The following ZNF76 variants were observed in gnomAD, a reference collection of about 807,000 sequenced individuals.
ZNF76 encodes zinc finger protein 76, also known as zinc finger protein 523.
Under a neutral mutation model 66.9 loss-of-function variants are expected in ZNF76, and 66 were observed. The observed-to-expected ratio is 0.99, with a 90% CI of 0.81 to 1.21. The LOEUF (loss-of-function observed/expected upper bound fraction) is 1.21, where lower values mean the gene tolerates loss of function less well. ZNF76 is among the 50% of genes most tolerant of loss of function. The pLI, the probability that ZNF76 is intolerant of heterozygous loss-of-function variation, is 0.00. For missense variants in ZNF76, 729 were observed against 760.3 expected (o/e 0.96, Z 0.48); for synonymous variants, 275 against 296.1 (o/e 0.93, Z 0.73).
In ZNF76 at chr6:35,292,524, C is replaced by G; in HGVS notation, c.932-30C>G. 1 of 1,592,914 alleles carries G rather than the reference C, an allele frequency of 6.3e-7. No homozygotes were observed. On this transcript the variant is annotated intron_variant, in intron 9 of 13. Coordinates refer to ENST00000373953, the MANE Select transcript of ZNF76 (RefSeq NM_003427.5). The surrounding 1 kb of genome is among the most constrained non-coding windows in gnomAD (Gnocchi z 4.7). ...AGTTTCCCCCTTGCCAGCCCCAGTT[C>G]CCACCCCCCTCACAGCCCAGTGTCC... is the stretch of plus-strand genomic sequence containing the variant.
chr6:35,286,265 A>G, intron 3 of ZNF76, 57 bp downstream of exon 3: 2 of 1,613,350 alleles, frequency 1.2e-6, no homozygotes, highest in Non-Finnish European at 1.7e-6. Flanking sequence ...GCCCCCACCA[A>G]GGGACCCCTC....
At position 35,293,895 on chromosome 6, in the gene ZNF76, G is replaced by C. The variant is rs762018098; in HGVS notation, c.1474G>C (p.Asp492His). 1 of 1,614,088 alleles carries C rather than the reference G, an allele frequency of 6.2e-7. No homozygotes were observed. ...GTHTVTMVSA[D>H]GTQTQPVTII... ...ACATACAGTCACCATGGTCAGCGCC[G>C]ATGGCACCCAGACGCAGCCCGTATG... The change falls in exon 12 of 14, where the codon GAT becomes CAT. Residue 492 changes from aspartate to histidine, a missense_variant. Transcript: ENST00000373953.
At position 35,292,929 on chromosome 6, in the gene ZNF76, C is replaced by G; in HGVS notation, c.1214C>G (p.Ala405Gly). The G allele has an allele frequency of 6.2e-7, 1 of 1,614,236 alleles. No individual in the cohort carries two copies. Among genetic ancestry groups the G allele is most frequent in the Non-Finnish European group, 8.5e-7 (1 of 1,180,046 alleles). Reference sequence around the variant, plus strand: ...CCGCCACCCAAACGACCCCGGATAGCTTACCTTTCGGAGGTGAAGGAAGAG... The same window carrying G: ...CCGCCACCCAAACGACCCCGGATAGGTTACCTTTCGGAGGTGAAGGAAGAG... ...ESPPPKRPRI[A>G]YLSEVKEERD... The change falls in exon 11 of 14, where the codon GCT becomes GGT. Residue 405 changes from alanine to glycine, a missense_variant. Coordinates refer to ENST00000373953, the MANE Select transcript of ZNF76 (RefSeq NM_003427.5). This position sits in a 1 kb window ranked among gnomAD's most constrained non-coding sequence, Gnocchi z 4.7.
At chr6:35,272,300 G>A (rs1787191802) in intron 1 of ZNF76, among the ~76,000 whole-genome samples, 1 of 152,150 alleles carries the variant, frequency 6.6e-6, no homozygotes, top group Non-Finnish European at 1.5e-5. Context: ...AATAGAGATA[G>A]ATGTAAGTAA....
At chr6:35,279,802 C>G (rs1382251524) in intron 1 of ZNF76, 1 of 153,368 alleles carries the variant, frequency 6.5e-6, no homozygotes, top group Non-Finnish European at 1.5e-5. Flanking sequence ...AAAAAATGGC[C>G]TTGGACTACA....
chr6:35,287,602 C>A lies in ZNF76; in HGVS notation c.233-44C>A, dbSNP rs1425302010. On this transcript the variant is annotated intron_variant, in intron 4 of 13. Transcript: ENST00000373953. The surrounding 1 kb of genome is among the most constrained non-coding windows in gnomAD (Gnocchi z 4.0). The stretch of plus-strand genomic sequence containing the variant: ...TAAAGCTAGGGTCCCAGCTGTATCT[C>A]TTCCCCTTGTGTGGCATCAGGGCTA... 2.6e-6 allele frequency: 4 copies of A among 1,546,734 alleles called. 1 individual carries two copies. Among genetic ancestry groups the A allele is most frequent in the African/African-American group, 1.4e-5 (1 of 73,352 alleles).
Position 35,292,761 on chromosome 6 carries a change from C to T in ZNF76, c.1139C>T (p.Ala380Val). ...ELEATEESEQALYEQQQLEAA... is the reference protein window; with the variant it reads ...ELEATEESEQVLYEQQQLEAA... Reference sequence around the variant, plus strand: ...GAGGCCACGGAGGAGAGCGAGCAGGCCCTCTATGAGCAGCAGCAACTTGAG... The same window carrying T: ...GAGGCCACGGAGGAGAGCGAGCAGGTCCTCTATGAGCAGCAGCAACTTGAG... The change falls in exon 10 of 14, where the codon GCC (alanine) becomes GTC (valine). Residue 380 changes from alanine to valine, a missense_variant. By Grantham distance (64) the Ala-to-Val change is moderately conservative. Transcript: ENST00000373953. The surrounding 1 kb of genome is among the most constrained non-coding windows in gnomAD (Gnocchi z 4.7). The T allele has an allele frequency of 1.9e-6, 3 of 1,614,012 alleles. No homozygotes were observed. The highest frequency in any genetic ancestry group is 2.5e-6 in the Non-Finnish European group (3 of 1,179,974).
chr6:35,276,791 GTTTTTT>G (rs10571257), intron 1 of ZNF76, among the ~76,000 whole-genome samples: 13 of 97,040 alleles, frequency 1.3e-4, no homozygotes, highest in Non-Finnish European at 2.5e-4. Flanking sequence ...TTATTTATGG[GTTTTTT>G]TTTTTTTTTT....
intron 1 of ZNF76, among the ~76,000 whole-genome samples, chr6:35,272,529 A>G (rs1787257583): frequency 1.3e-5 from 2 of 151,904 alleles, no homozygotes; most frequent in Admixed American, 1.3e-4. Context: ...ATGCACATAT[A>G]TATATCCAAG....
At chr6:35,261,255 G>A (rs1036260863) in intron 1 of ZNF76, among the ~76,000 whole-genome samples, 4 of 152,192 alleles carry the variant, frequency 2.6e-5, no homozygotes, top group African/African-American at 9.7e-5. Flanking sequence ...TCTGTCCTGA[G>A]TGCTAGGGAT....
chr6:35,277,089 G>A (rs1363421901), intron 1 of ZNF76, among the ~76,000 whole-genome samples: 2 of 151,832 alleles, frequency 1.3e-5, no homozygotes, highest in Non-Finnish European at 1.5e-5. Flanking sequence ...ATGAGCCACC[G>A]TGCCCAGCCT....
intron 9 of ZNF76, 179 bp downstream of exon 9, chr6:35,291,916 A>C: frequency 1.4e-6 from 1 of 694,562 alleles, no homozygotes; most frequent in Non-Finnish European, 2.4e-6. Flanking sequence ...GTAATTCCTC[A>C]ATTTCCAGTT....
At chr6:35,276,846 G>C (rs1787977902) in intron 1 of ZNF76, among the ~76,000 whole-genome samples, 1 of 142,582 alleles carries the variant, frequency 7.0e-6, no homozygotes, top group African/African-American at 2.7e-5. Context: ...GCCCAGGCTA[G>C]AGTGCAGTGA....
At chr6:35,276,739 C>A (rs1787940493) in intron 1 of ZNF76, among the ~76,000 whole-genome samples, 2 of 151,734 alleles carry the variant, frequency 1.3e-5, no homozygotes, top group Admixed American at 1.3e-4. Context: ...ATTTTGCAAT[C>A]CCTTTTCAAC....
At chr6:35,272,939 A>G (rs1787320627) in intron 1 of ZNF76, among the ~76,000 whole-genome samples, 1 of 152,076 alleles carries the variant, frequency 6.6e-6, no homozygotes, top group African/African-American at 2.4e-5. Flanking sequence ...GGATCACTTG[A>G]GGTCAGGCGT....
At chr6:35,291,080 G>T in intron 7 of ZNF76, 198 bp from the exon 8 acceptor site, 2 of 647,714 alleles carry the variant, frequency 3.1e-6, no homozygotes, top group Non-Finnish European at 5.2e-6. Flanking sequence ...TCATGTTCTG[G>T]TATGGCTCCA....
Position 35,293,910 on chromosome 6 carries a change from C to G in ZNF76, c.1489C>G (p.Gln497Glu), listed in dbSNP as rs749507010. Reference protein sequence around the residue: ...TMVSADGTQTQPVTIITSGAV... With the variant: ...TMVSADGTQTEPVTIITSGAV... ...GGTCAGCGCCGATGGCACCCAGACG[C>G]AGCCCGTATGACCAGGCGGTTTGCT... Residue 497 changes from glutamine (Q) to glutamate (E), a missense_variant, in exon 12 of 14, where the codon CAG becomes GAG. By Grantham distance (29) the Gln-to-Glu change is conservative. Transcript: ENST00000373953. The G allele has an allele frequency of 6.2e-7, 1 of 1,613,994 alleles. No homozygotes were observed. The highest frequency in any genetic ancestry group is 1.1e-5 in the South Asian group (1 of 91,062).
At chr6:35,277,182 C>T (rs976781832) in intron 1 of ZNF76, among the ~76,000 whole-genome samples, 1 of 152,124 alleles carries the variant, frequency 6.6e-6, no homozygotes, top group Non-Finnish European at 1.5e-5. Flanking sequence ...AAGAATCTAC[C>T]TGATGAAGAG....
chr6:35,287,608 C>A lies in ZNF76; in HGVS notation c.233-38C>A. The A allele has an allele frequency of 6.4e-7, 1 of 1,558,984 alleles. No homozygotes were observed. Among genetic ancestry groups the A allele is most frequent in the Admixed American group, 1.8e-5 (1 of 54,182 alleles). On this transcript the variant is annotated intron_variant, in intron 4 of 13. Coordinates refer to ENST00000373953, the MANE Select transcript of ZNF76 (RefSeq NM_003427.5). The surrounding 1 kb of genome is among the most constrained non-coding windows in gnomAD (Gnocchi z 4.0). ...TAGGGTCCCAGCTGTATCTCTTCCC[C>A]TTGTGTGGCATCAGGGCTAACCGCG... is the stretch of plus-strand genomic sequence containing the variant.
Sources: allele counts gnomAD v4.1 joint callset (sites outside exome capture counted in the v4.1 genomes callset), GRCh38; gene constraint gnomAD v4.1.1; non-coding constraint Gnocchi (gnomAD v3.1); transcripts MANE v1.5; gene names NCBI Gene and HGNC (gene_info 2026-07-23, HGNC 2026-07-21).